SLC25A39: variants seen among roughly 807,000 people sequenced by gnomAD.
The protein encoded by SLC25A39 is solute carrier family 25 member 39.
SLC25A39 carries 44 observed loss-of-function variants against 46.6 expected under a neutral mutation model. That is an observed-to-expected ratio of 0.94 (90% confidence interval 0.74 to 1.21). The LOEUF is 1.21. SLC25A39 is among the 50% of genes most tolerant of loss of function. The probability of loss-of-function intolerance (pLI) is 0.00; values close to 1 mark genes in which losing one functional copy is unlikely to be tolerated. For synonymous variants in SLC25A39, 218 were observed against 190.6 expected (o/e 1.14, Z -1.19); for missense variants, 487 against 473.0 (o/e 1.03, Z -0.28).
In SLC25A39 at chr17:44,323,347, G is replaced by A. The variant is rs771732385; in HGVS notation, c.86-4C>T. 7 of 1,610,168 alleles carry A rather than the reference G, an allele frequency of 4.3e-6. No individual in the cohort carries two copies. In the African/African-American group the frequency reaches 8.0e-5, roughly 18 times the overall value. On this transcript the variant is annotated splice_region_variant and splice_polypyrimidine_tract_variant and intron_variant, in intron 2 of 11. Coordinates refer to ENST00000377095, the MANE Select transcript of SLC25A39 (RefSeq NM_001143780.3). ...TTCACCACGTCCAGGGGTGTCACTG[G>A]GGGAGGAAGCGGGTCTGAAGGCTCC... is the stretch of plus-strand genomic sequence containing the variant.
intron 5 of SLC25A39, 146 bp downstream of exon 5, chr17:44,322,273 G>T: frequency 1.3e-6 from 1 of 786,744 alleles, no homozygotes; most frequent in Non-Finnish European, 2.0e-6. Flanking sequence ...CCCCATGGAG[G>T]TACTGCCTTC....
chr17:44,320,938 A>G (rs2048010587), intron 8 of SLC25A39, 120 bp downstream of exon 8: 1 of 1,263,770 alleles, frequency 7.9e-7, no homozygotes, highest in Non-Finnish European at 1.1e-6. Flanking sequence ...TGAGAAACCC[A>G]TGGCTCAGAA....
intron 7 of SLC25A39, 88 bp downstream of exon 7, chr17:44,321,346 G>A (rs2048027235): frequency 7.5e-6 from 12 of 1,599,334 alleles, no homozygotes; most frequent in Non-Finnish European, 1.0e-5. Context: ...TCCCTAGGCT[G>A]GCAGAGGTTG....
chr17:44,319,767 C>A lies in SLC25A39; in HGVS notation c.*234G>T. 1 of 540,786 alleles carries A rather than the reference C, an allele frequency of 1.8e-6. No individual in the cohort carries two copies. Among genetic ancestry groups the A allele is most frequent in the South Asian group, 2.1e-5 (1 of 48,630 alleles). The allele number at this position is 540,786 out of a possible 1,614,324, so 33.5% of individuals were successfully genotyped here. On this transcript the variant is annotated 3_prime_UTR_variant, in exon 12 of 12. Transcript: ENST00000377095. ...GAAGGGGGCAGCTGGAAGATTTGGT[C>A]TTGAACTTGGGGGGTGGGTAAGTGA... is the stretch of plus-strand genomic sequence containing the variant.
intron 5 of SLC25A39, among the ~76,000 whole-genome samples, chr17:44,322,083 T>C (rs1257690037): frequency 6.6e-6 from 1 of 152,180 alleles, no homozygotes; most frequent in Non-Finnish European, 1.5e-5. Context: ...ACCCTGTCTC[T>C]ACTAAAAATA....
intron 8 of SLC25A39, 118 bp downstream of exon 8, chr17:44,320,940 G>A: frequency 7.9e-7 from 1 of 1,272,536 alleles, no homozygotes; most frequent in South Asian, 1.5e-5. Context: ...AGAAACCCAT[G>A]GCTCAGAAAA....
chr17:44,323,449 GC>G, intron 2 of SLC25A39, 28 bp downstream of exon 2: 1 of 258,678 alleles, frequency 3.9e-6, no homozygotes, highest in East Asian at 9.9e-5. Flanking sequence ...ATCCCCACCC[GC>G]CCCCACCCCA....
chr17:44,321,100 G>A lies in SLC25A39; in HGVS notation c.649C>T (p.Leu217=), dbSNP rs1446618091. ...CGAAGGGCAGTGGGGCCCCAGCCCAGCCACAGTGAGCGCCAGCCACCCTGA... is the reference window on the plus strand; with the variant it reads ...CGAAGGGCAGTGGGGCCCCAGCCCAACCACAGTGAGCGCCAGCCACCCTGA... ...VAQGGWRSLW[L]GWGPTALRDV... is the part of the protein sequence containing the mutation. Residue 217 remains leucine (L), a synonymous_variant, in exon 8 of 12, where the codon CTG becomes TTG. Transcript: ENST00000377095. 5.0e-6 allele frequency: 8 copies of A among 1,611,426 alleles called. No homozygotes were observed. The highest frequency in any genetic ancestry group is 2.7e-5 in the African/African-American group (2 of 74,912).
chr17:44,320,390 C>A lies in SLC25A39; in HGVS notation c.848G>T (p.Arg283Leu), dbSNP rs139586541. The A allele has an allele frequency of 1.9e-6, 3 of 1,613,512 alleles. No homozygotes were observed. Among genetic ancestry groups the A allele is most frequent in the South Asian group, 2.2e-5 (2 of 91,090 alleles). Residue 283 changes from arginine to leucine, a missense_variant, in exon 10 of 12, where the codon CGC becomes CTC. Transcript: ENST00000377095. The stretch of plus-strand genomic sequence containing the variant: ...CTCCATCGCTCCCAGAGCGACCTGG[C>A]GTTGGGTCTTTACCACGTCAAAGGG... ...TLPFDVVKTQ[R>L]QVALGAMEAV...
chr17:44,321,915 G>A (rs2048054154), intron 5 of SLC25A39, 148 bp from the exon 6 acceptor site: 2 of 775,484 alleles, frequency 2.6e-6, no homozygotes, highest in South Asian at 3.7e-5. Context: ...CAGTACCCCA[G>A]CAGCTGGGTC....
chr17:44,322,740 T>TG, intron 4 of SLC25A39, 68 bp downstream of exon 4: 1 of 1,609,156 alleles, frequency 6.2e-7, no homozygotes. Context: ...ACTGGTGCCC[T>TG]GGGGACAGGG....
In SLC25A39 at chr17:44,321,468, G is replaced by A. The variant is rs998261931; in HGVS notation, c.483C>T (p.Leu161=). 4.3e-6 allele frequency: 7 copies of A among 1,613,888 alleles called. No homozygotes were observed. Among genetic ancestry groups the A allele is most frequent in the Non-Finnish European group, 5.1e-6 (6 of 1,179,920 alleles). ...GCGCGCCAGCCACCATGGGTGCGTA[G>A]AGGTCAGAGGTCAGGGCTCGACCAC... ...FLCGRALTSD[L]YAPMVAGALA... is the part of the protein sequence containing the mutation. The change falls in exon 7 of 12, where the codon CTC becomes CTT. Residue 161 remains leucine, a synonymous_variant. Coordinates refer to ENST00000377095, the MANE Select transcript of SLC25A39 (RefSeq NM_001143780.3).
Position 44,320,036 on chromosome 17 carries a change from GGAA to G in SLC25A39, c.1042_1044del (p.Phe348del), listed in dbSNP as rs751756703. ...AGAAGCCGGTCCTGGTTCAGCCTCTGGAAGAAGCTTTTGCCGAACTCATAGGTG... is the reference window on the plus strand; with the variant it reads ...AGAAGCCGGTCCTGGTTCAGCCTCTGGAAGCTTTTGCCGAACTCATAGGTG... On this transcript the variant is annotated inframe_deletion, in exon 12 of 12. Coordinates refer to ENST00000377095, the MANE Select transcript of SLC25A39 (RefSeq NM_001143780.3). The G allele has an allele frequency of 3.1e-6, 5 of 1,614,076 alleles. No individual in the cohort carries two copies. The Admixed American group carries it at 6.7e-5, about 22-fold the overall frequency.
rs907037554 is a variant in SLC25A39, at chr17:44,319,937, C to T, written c.*64G>A. On this transcript the variant is annotated 3_prime_UTR_variant, in exon 12 of 12. Transcript: ENST00000377095. ...TCAGTGCTGAGGAAAAGGCACTTGG[C>T]TGGGTCTCCTCCTGCCCTCTCCCCA... 1.3e-6 allele frequency: 2 copies of T among 1,516,682 alleles called. No individual in the cohort carries two copies. The highest frequency in any genetic ancestry group is 1.8e-6 in the Non-Finnish European group (2 of 1,095,364). 94.0% of individuals were successfully genotyped at this position (1,516,682 alleles called of 1,614,324 possible).
intron 8 of SLC25A39, 43 bp from the exon 9 acceptor site, chr17:44,320,774 G>A (rs1214918490): frequency 2.0e-6 from 3 of 1,493,158 alleles, no homozygotes; most frequent in Non-Finnish European, 2.8e-6. Flanking sequence ...GAAGGGCAAG[G>A]AAGTGGCCCC....
intron 3 of SLC25A39, 34 bp from the exon 4 acceptor site, chr17:44,322,886 GC>G (rs545479753): frequency 6.2e-7 from 1 of 1,608,892 alleles, no homozygotes; most frequent in East Asian, 2.2e-5. Context: ...AGTCAGGAGA[GC>G]CCCCACCCGC....
intron 1 of SLC25A39, chr17:44,324,084 C>T: frequency 6.0e-6 from 1 of 166,880 alleles, no homozygotes. Flanking sequence ...GGTGGCCTGC[C>T]CAAGGTCACT....
In SLC25A39 at chr17:44,321,043, A is replaced by C. The variant is rs779873868; in HGVS notation, c.691+15T>G. 17 of 1,571,680 alleles carry C rather than the reference A, an allele frequency of 1.1e-5. No homozygotes were observed. The highest frequency in any genetic ancestry group is 1.3e-5 in the Non-Finnish European group (15 of 1,160,686). On this transcript the variant is annotated intron_variant, in intron 8 of 11. Transcript: ENST00000377095. ...CAGGGTTCCCTCACCCACCCCCTGC[A>C]GCTTGGGTGCCTACCTGAGAAGGGC...
At chr17:44,323,715 G>A (rs973278791) in intron 1 of SLC25A39, 138 bp from the exon 2 acceptor site, 4 of 634,936 alleles carry the variant, frequency 6.3e-6, no homozygotes, top group Non-Finnish European at 1.1e-5. Flanking sequence ...CACCATCTTG[G>A]CTCACTGCAA....
Sources: gnomAD v4.1 joint callset for allele counts (sites outside exome capture counted in the v4.1 genomes callset) on GRCh38, gnomAD v4.1.1 for gene constraint, MANE v1.5 for transcripts, NCBI Gene and HGNC (gene_info 2026-07-23, HGNC 2026-07-21) for gene names.